Variants in MMP16 observed in about 807,000 individuals in gnomAD.
MMP16 encodes the protein matrix metalloproteinase-16.
In MMP16, 12 loss-of-function variants were observed where a neutral mutation model predicts 67.8. The observed-to-expected ratio is 0.18, with a 90% CI of 0.11 to 0.29. The LOEUF is 0.29. MMP16 is among the 10% of genes least tolerant of loss of function. MMP16 has a pLI of 1.00. For missense variants in MMP16, 475 were observed against 765.7 expected (o/e 0.62, Z 4.48); for synonymous variants, 249 against 255.9 (o/e 0.97, Z 0.26).
chr8:88,057,975 CAG>C (rs1000533221), intron 7 of MMP16, among the ~76,000 whole-genome samples: 3 of 151,762 alleles, frequency 2.0e-5, no homozygotes, highest in African/African-American at 7.3e-5. Context: ...AAACAAAAAA[CAG>C]AGGTTGAGGA....
At chr8:88,145,829 T>A (rs1259866543) in intron 4 of MMP16, among the ~76,000 whole-genome samples, 1 of 151,974 alleles carries the variant, frequency 6.6e-6, no homozygotes, top group African/African-American at 2.4e-5. Flanking sequence ...AGGGGACAGT[T>A]AGAAAAGACT....
intron 4 of MMP16, among the ~76,000 whole-genome samples, chr8:88,131,582 TG>T (rs980062041): frequency 4.0e-5 from 6 of 151,844 alleles, no homozygotes; most frequent in African/African-American, 1.4e-4. Flanking sequence ...ACCATATTAA[TG>T]GAGTGTTAAC....
At position 88,243,021 on chromosome 8, in the gene MMP16, C is replaced by G. The variant is rs1810056573; in HGVS notation, c.133-45715G>C. Among the ~76,000 whole-genome samples the G allele has an allele frequency of 2.6e-5, 4 of 151,978 alleles. No individual in the cohort carries two copies. In the South Asian group the frequency reaches 8.3e-4, roughly 32 times the overall value. Reference sequence around the variant, plus strand: ...TTTAACCTGTCTAAAAAGAAATGCCCTATAATCTCAGAAACCAAAGTTAAA... The same window carrying G: ...TTTAACCTGTCTAAAAAGAAATGCCGTATAATCTCAGAAACCAAAGTTAAA... On this transcript the variant is annotated intron_variant, in intron 1 of 9. Coordinates refer to ENST00000286614, the MANE Select transcript of MMP16 (RefSeq NM_005941.5).
At chr8:88,224,183 C>A (rs1809731786) in intron 1 of MMP16, among the ~76,000 whole-genome samples, 8 of 151,966 alleles carry the variant, frequency 5.3e-5, no homozygotes, top group Admixed American at 3.9e-4. Flanking sequence ...CAAATGGTAG[C>A]CTTGACTAAT....
chr8:88,136,732 C>T lies in MMP16; in HGVS notation c.710-17871G>A, dbSNP rs1337873402. Among the ~76,000 whole-genome samples the T allele has an allele frequency of 8.6e-5, 13 of 150,830 alleles. No homozygotes were observed. The East Asian group carries it at 2.5e-3, about 29-fold the overall frequency. On this transcript the variant is annotated intron_variant, in intron 4 of 9. Coordinates refer to ENST00000286614, the MANE Select transcript of MMP16 (RefSeq NM_005941.5). ...TGAATTAAATTCATTTAACTCATTCCACTGAATAAATAAATGGTTTATATT... is the reference window on the plus strand; with the variant it reads ...TGAATTAAATTCATTTAACTCATTCTACTGAATAAATAAATGGTTTATATT...
At chr8:88,202,076 G>A (rs1445620763) in intron 1 of MMP16, among the ~76,000 whole-genome samples, 1 of 151,972 alleles carries the variant, frequency 6.6e-6, no homozygotes, top group African/African-American at 2.4e-5. Flanking sequence ...AACCTAAATG[G>A]GCTCTAAATC....
At chr8:88,109,045 T>C (rs1383445635) in intron 6 of MMP16, among the ~76,000 whole-genome samples, 1 of 151,378 alleles carries the variant, frequency 6.6e-6, no homozygotes. Flanking sequence ...CAAGAACTTC[T>C]CTCATGAAGG....
intron 1 of MMP16, among the ~76,000 whole-genome samples, chr8:88,246,503 A>T (rs1810114599): frequency 1.3e-5 from 2 of 152,190 alleles, no homozygotes; most frequent in African/African-American, 4.8e-5. Flanking sequence ...AAAAGATGTT[A>T]TCAGTTTAGT....
intron 6 of MMP16, among the ~76,000 whole-genome samples, chr8:88,106,086 T>C (rs1225506761): frequency 6.7e-6 from 1 of 150,170 alleles, no homozygotes; most frequent in South Asian, 2.1e-4. Context: ...TATTTATAGT[T>C]ACAGATTAAA....
chr8:88,125,122 G>T (rs561911033), intron 4 of MMP16, among the ~76,000 whole-genome samples: 2 of 150,958 alleles, frequency 1.3e-5, no homozygotes, highest in South Asian at 4.2e-4. Flanking sequence ...AGTCCAATTT[G>T]GCTGCTCAAA....
intron 1 of MMP16, among the ~76,000 whole-genome samples, chr8:88,241,270 G>A (rs1305971442): frequency 1.3e-5 from 2 of 151,802 alleles, no homozygotes; most frequent in Non-Finnish European, 2.9e-5. Context: ...CTTTAATTTC[G>A]GAAGTCTCTA....
chr8:88,303,482 G>T (rs1811163829), intron 1 of MMP16, among the ~76,000 whole-genome samples: 1 of 152,202 alleles, frequency 6.6e-6, no homozygotes, highest in Non-Finnish European at 1.5e-5. Flanking sequence ...TCTTTAAGTG[G>T]GTCCCTGATC....
Position 88,177,420 on chromosome 8 carries a change from C to T in MMP16, c.404+9056G>A, listed in dbSNP as rs527286915. On this transcript the variant is annotated intron_variant, in intron 3 of 9. Coordinates refer to ENST00000286614, the MANE Select transcript of MMP16 (RefSeq NM_005941.5). The stretch of plus-strand genomic sequence containing the variant: ...AGAGAGGGGCAAATACAGAGACTCA[C>T]GGTTTATCAAGAGCAAAAGCCTCTG... 2.2e-4 allele frequency among the ~76,000 whole-genome samples: 34 copies of T among 152,198 alleles called. No homozygotes were observed. In the South Asian group the frequency reaches 6.0e-3, roughly 27 times the overall value.
intron 1 of MMP16, among the ~76,000 whole-genome samples, chr8:88,299,983 T>A (rs1226943093): frequency 6.6e-6 from 1 of 152,228 alleles, no homozygotes; most frequent in Non-Finnish European, 1.5e-5. Flanking sequence ...TTCATATTAC[T>A]TATGCTTATA....
chr8:88,168,650 T>C (rs1808753174), intron 3 of MMP16, among the ~76,000 whole-genome samples: 1 of 152,186 alleles, frequency 6.6e-6, no homozygotes, highest in Non-Finnish European at 1.5e-5. Context: ...ATAAATATTG[T>C]ACTTGATTCA....
At chr8:88,047,352 G>C (rs1027677441) in intron 8 of MMP16, among the ~76,000 whole-genome samples, 7 of 152,116 alleles carry the variant, frequency 4.6e-5, no homozygotes, top group Non-Finnish European at 1.0e-4. Flanking sequence ...TCACATTATA[G>C]GATATGTGAG....
chr8:88,042,643 G>A (rs1481430207), intron 9 of MMP16, among the ~76,000 whole-genome samples: 1 of 151,992 alleles, frequency 6.6e-6, no homozygotes, highest in African/African-American at 2.4e-5. Context: ...ATACTTCCTA[G>A]TACCTTATAT....
chr8:88,119,397 T>A (rs553914574), intron 4 of MMP16, among the ~76,000 whole-genome samples: 16 of 152,012 alleles, frequency 1.1e-4, no homozygotes, highest in Non-Finnish European at 1.3e-4. Flanking sequence ...TTTGCTAGCA[T>A]AGAATAAAGA....
At chr8:88,192,202 G>T (rs2129769293) in intron 2 of MMP16, among the ~76,000 whole-genome samples, 1 of 152,208 alleles carries the variant, frequency 6.6e-6, no homozygotes, top group East Asian at 1.9e-4. Flanking sequence ...AGTTGCCATG[G>T]GAAGATTTTT....
Sources: gnomAD v4.1 joint callset for allele counts (sites outside exome capture counted in the v4.1 genomes callset) on GRCh38, gnomAD v4.1.1 for gene constraint, MANE v1.5 for transcripts, NCBI Gene and HGNC (gene_info 2026-07-23, HGNC 2026-07-21) for gene names.